The following MGAT4A variants were observed in gnomAD, a reference collection of about 807,000 sequenced individuals.
The protein encoded by MGAT4A is alpha-1,3-mannosyl-glycoprotein 4-beta-N-acetylglucosaminyltransferase A.
Under a neutral mutation model 74.1 loss-of-function variants are expected in MGAT4A, and 33 were observed. The observed-to-expected ratio is 0.45, with a 90% CI of 0.34 to 0.60. The LOEUF is 0.60. Among genes scored for constraint, MGAT4A ranks in the 20% least tolerant of loss-of-function variants. The pLI, the probability that MGAT4A is intolerant of heterozygous loss-of-function variation, is 0.02. For synonymous variants in MGAT4A, 198 were observed against 210.4 expected (o/e 0.94, Z 0.51); for missense variants, 479 against 628.3 (o/e 0.76, Z 2.54).
intron 10 of MGAT4A, among the ~76,000 whole-genome samples, chr2:98,641,227 A>T (rs1377503263): frequency 6.6e-6 from 1 of 152,164 alleles, no homozygotes; most frequent in Non-Finnish European, 1.5e-5. Flanking sequence ...TCTTTGTAAG[A>T]AATTTACACT....
At chr2:98,721,714 C>A (rs774246619) in intron 2 of MGAT4A, among the ~76,000 whole-genome samples, 3 of 151,846 alleles carry the variant, frequency 2.0e-5, no homozygotes, top group African/African-American at 7.3e-5. Flanking sequence ...AAATCTAAAG[C>A]TGATTCTGTT....
At chr2:98,719,307 G>A (rs2104333574) in intron 2 of MGAT4A, among the ~76,000 whole-genome samples, 1 of 152,322 alleles carries the variant, frequency 6.6e-6, no homozygotes, top group South Asian at 2.1e-4. Context: ...TATGCCCCAG[G>A]GCATTGGTGT....
chr2:98,658,273 GA>G lies in MGAT4A; in HGVS notation c.538-10del, dbSNP rs754811068. On this transcript the variant is annotated splice_polypyrimidine_tract_variant and intron_variant, in intron 5 of 15. Transcript: ENST00000393487. Reference sequence around the variant, plus strand: ...ACATAATCAATATCTGTCTGGGAAAGAAAAAAAATGTATCTATATTCAAGTT... The same window carrying G: ...ACATAATCAATATCTGTCTGGGAAAGAAAAAAATGTATCTATATTCAAGTT... The G allele has an allele frequency of 5.8e-5, 88 of 1,510,466 alleles. No individual in the cohort carries two copies. The highest frequency in any genetic ancestry group is 1.5e-4 in the Admixed American group (7 of 48,092). The allele number at this position is 1,510,466 out of a possible 1,614,324, so 93.6% of individuals were successfully genotyped here.
chr2:98,658,162 C>A, intron 6 of MGAT4A, 56 bp downstream of exon 6: 1 of 1,127,196 alleles, frequency 8.9e-7, no homozygotes, highest in Non-Finnish European at 1.3e-6. Context: ...TAGCAAGAAA[C>A]CCAAGAGATA....
chr2:98,655,587 G>A, intron 7 of MGAT4A, 67 bp from the exon 8 acceptor site: 1 of 1,067,346 alleles, frequency 9.4e-7, no homozygotes, highest in Non-Finnish European at 1.4e-6. Flanking sequence ...AAGATTAAAT[G>A]TATAAATGTC....
chr2:98,706,972 T>TGAGC (rs1213164263), intron 2 of MGAT4A, among the ~76,000 whole-genome samples: 4 of 151,606 alleles, frequency 2.6e-5, no homozygotes, highest in African/African-American at 9.7e-5. Context: ...TCCCAGCACT[T>TGAGC]TGGGAGGCCA....
Position 98,726,532 on chromosome 2 carries a change from G to A in MGAT4A, c.-200C>T, listed in dbSNP as rs1241299306. ...CAACTGTACTCGGGATCGTCTTTGC[G>A]GTCTTCACACGCTGATGCCTCGGCC... is the stretch of plus-strand genomic sequence containing the variant. On this transcript the variant is annotated 5_prime_UTR_variant, in exon 2 of 16. Transcript: ENST00000393487. 3 of 454,950 alleles carry A rather than the reference G, an allele frequency of 6.6e-6. No individual in the cohort carries two copies. The highest frequency in any genetic ancestry group is 6.0e-5 in the South Asian group (1 of 16,620). 28.2% of individuals were successfully genotyped at this position (454,950 alleles called of 1,614,324 possible).
At chr2:98,671,832 G>A (rs1164948909) in intron 4 of MGAT4A, among the ~76,000 whole-genome samples, 1 of 149,106 alleles carries the variant, frequency 6.7e-6, no homozygotes, top group Non-Finnish European at 1.5e-5. Flanking sequence ...GGGAGGGTCA[G>A]AGTGAAAGAA....
Position 98,621,446 on chromosome 2 carries a change from T to C in MGAT4A, c.*4120A>G, listed in dbSNP as rs955532253. On this transcript the variant is annotated 3_prime_UTR_variant, in exon 16 of 16. Coordinates refer to ENST00000393487, the MANE Select transcript of MGAT4A (RefSeq NM_012214.3). ...CCCCTCTACCTTAAAACAGCAATGGTGCCTGAGGTCCTTCTGCTTTGTCTC... is the reference window on the plus strand; with the variant it reads ...CCCCTCTACCTTAAAACAGCAATGGCGCCTGAGGTCCTTCTGCTTTGTCTC... 1.3e-6 allele frequency: 2 copies of C among 1,551,660 alleles called. No homozygotes were observed. The highest frequency in any genetic ancestry group is 1.2e-5 in the South Asian group (1 of 84,052).
At position 98,621,493 on chromosome 2, in the gene MGAT4A, A is replaced by G; in HGVS notation, c.*4073T>C. ...TCTCTTGACTTCTGCCACCAGCCCG[A>G]GAAAACTCTCTGCTTTTAAAGGAGT... On this transcript the variant is annotated 3_prime_UTR_variant, in exon 16 of 16. Coordinates refer to ENST00000393487, the MANE Select transcript of MGAT4A (RefSeq NM_012214.3). The G allele has an allele frequency of 1.9e-6, 3 of 1,551,678 alleles. No homozygotes were observed. Among genetic ancestry groups the G allele is most frequent in the African/African-American group, 1.4e-5 (1 of 73,170 alleles).
intron 4 of MGAT4A, among the ~76,000 whole-genome samples, chr2:98,673,653 T>C (rs1469809553): frequency 6.6e-6 from 1 of 152,170 alleles, no homozygotes; most frequent in Admixed American, 6.5e-5. Flanking sequence ...ATGGAATACA[T>C]AGCTTCAAAA....
chr2:98,643,359 A>G (rs932762623), intron 10 of MGAT4A, among the ~76,000 whole-genome samples: 1 of 152,228 alleles, frequency 6.6e-6, no homozygotes, highest in Non-Finnish European at 1.5e-5. Context: ...TATGGTAATA[A>G]CATGCTATCT....
chr2:98,631,239 T>G (rs1396209136), intron 14 of MGAT4A, among the ~76,000 whole-genome samples: 1 of 152,222 alleles, frequency 6.6e-6, no homozygotes, highest in Non-Finnish European at 1.5e-5. Context: ...CTACTGTTCT[T>G]GCCAATGCCT....
chr2:98,635,440 T>A (rs1701305514), intron 13 of MGAT4A, 152 bp from the exon 14 acceptor site: 2 of 567,116 alleles, frequency 3.5e-6, no homozygotes, highest in East Asian at 5.8e-5. Context: ...AAAAAACTTA[T>A]TAGATTAATA....
At chr2:98,672,148 G>C (rs1701919498) in intron 4 of MGAT4A, among the ~76,000 whole-genome samples, 2 of 152,020 alleles carry the variant, frequency 1.3e-5, no homozygotes, top group African/African-American at 4.8e-5. Context: ...ACCAGTAAAT[G>C]ATAGATTCTA....
At position 98,656,308 on chromosome 2, in the gene MGAT4A, T is replaced by A. The variant is rs192000690; in HGVS notation, c.698+44A>T. ...AAATAAAAACTACATGTATTAAATA[T>A]TTACACTCACAAGTGTGGAGGATTT... On this transcript the variant is annotated intron_variant, in intron 7 of 15. Coordinates refer to ENST00000393487, the MANE Select transcript of MGAT4A (RefSeq NM_012214.3). 166 of 1,266,534 alleles carry A rather than the reference T, an allele frequency of 1.3e-4. 1 individual carries two copies. The African/African-American group carries it at 2.0e-3, about 15-fold the overall frequency. The allele number at this position is 1,266,534 out of a possible 1,614,324, so 78.5% of individuals were successfully genotyped here. A position where few individuals can be genotyped will look rare whatever the true frequency, so the allele number is the denominator to read the frequency against.
chr2:98,722,656 CGACT>C (rs1702693170), intron 2 of MGAT4A, among the ~76,000 whole-genome samples: 1 of 152,036 alleles, frequency 6.6e-6, no homozygotes, highest in Admixed American at 6.5e-5. Flanking sequence ...TACCAAAAAC[CGACT>C]GATTGTACAC....
intron 4 of MGAT4A, among the ~76,000 whole-genome samples, chr2:98,668,563 C>A (rs1210532186): frequency 1.3e-5 from 2 of 152,236 alleles, no homozygotes; most frequent in African/African-American, 4.8e-5. Context: ...GCGGAAGGGA[C>A]ATGTGGGGTC....
intron 6 of MGAT4A, among the ~76,000 whole-genome samples, chr2:98,657,174 A>C (rs1701672457): frequency 1.3e-5 from 2 of 152,254 alleles, no homozygotes; most frequent in Non-Finnish European, 2.9e-5. Context: ...GTACTGACTG[A>C]ATTGCAATTT....
Sources: allele counts gnomAD v4.1 joint callset (sites outside exome capture counted in the v4.1 genomes callset), GRCh38; gene constraint gnomAD v4.1.1; transcripts MANE v1.5; gene names NCBI Gene and HGNC (gene_info 2026-07-23, HGNC 2026-07-21).